The following TBC1D5 variants were observed in gnomAD, a reference collection of about 807,000 sequenced individuals.
TBC1D5 encodes TBC1 domain family, member 5.
A neutral mutation model predicts 100.3 loss-of-function variants in TBC1D5; 75 were observed. The observed-to-expected ratio is 0.75, with a 90% confidence interval of 0.62 to 0.91. The LOEUF is 0.91. TBC1D5 is among the 40% of genes least tolerant of loss of function. The pLI is 0.00. For missense variants in TBC1D5, 910 were observed against 942.4 expected, an observed-to-expected ratio of 0.97 and a Z score of 0.45; for synonymous variants, 323 against 325.6, an observed-to-expected ratio of 0.99 and a Z score of 0.09.
chr3:17,168,638 G>A (rs1251019809), intron 19 of TBC1D5, among the ~76,000 whole-genome samples: 2 of 152,118 alleles, frequency 1.3e-5, no homozygotes, highest in African/African-American at 4.8e-5. Flanking sequence ...CTAGTCTCCC[G>A]GGGAAGTACA....
intron 4 of TBC1D5, among the ~76,000 whole-genome samples, chr3:17,418,991 A>G (rs1448609616): frequency 5.3e-5 from 8 of 152,184 alleles, no homozygotes; most frequent in Non-Finnish European, 8.8e-5. Flanking sequence ...AATTCCCTAG[A>G]GCTGACTGCT....
intron 2 of TBC1D5, among the ~76,000 whole-genome samples, chr3:17,536,817 A>T (rs1351470755): frequency 6.6e-6 from 1 of 152,230 alleles, no homozygotes; most frequent in African/African-American, 2.4e-5. Flanking sequence ...TTTAGGTGGC[A>T]GCTGGTTGAG....
intron 2 of TBC1D5, among the ~76,000 whole-genome samples, chr3:17,614,684 T>G (rs2061988161): frequency 6.6e-6 from 1 of 152,220 alleles, no homozygotes; most frequent in South Asian, 2.1e-4. Context: ...TTTGGCTGTT[T>G]GTCTGTTACG....
intron 2 of TBC1D5, among the ~76,000 whole-genome samples, chr3:17,583,039 C>T (rs1035406678): frequency 2.6e-5 from 4 of 152,088 alleles, no homozygotes; most frequent in Admixed American, 6.6e-5. Context: ...AATCCCAGCA[C>T]TTTAAGAGAC....
chr3:17,401,370 T>A (rs2093645819), intron 8 of TBC1D5, among the ~76,000 whole-genome samples: 1 of 107,968 alleles, frequency 9.3e-6, no homozygotes, highest in African/African-American at 4.8e-5. Context: ...ATGTGTATAA[T>A]ATACATATGT....
intron 9 of TBC1D5, 132 bp downstream of exon 9, chr3:17,383,781 C>CAACT: frequency 1.7e-6 from 1 of 583,226 alleles, no homozygotes; most frequent in Non-Finnish European, 2.9e-6. Context: ...AGCTGACAAG[C>CAACT]AACTCTCTGA....
intron 13 of TBC1D5, among the ~76,000 whole-genome samples, chr3:17,351,982 T>A (rs2090645914): frequency 6.7e-6 from 1 of 148,844 alleles, no homozygotes; most frequent in Non-Finnish European, 1.5e-5. Context: ...TAACGTTTCA[T>A]CTAACCTAAA....
chr3:17,716,358 A>AT (rs150085050), intron 1 of TBC1D5, among the ~76,000 whole-genome samples: 7,838 of 148,564 alleles, frequency 0.053, 610 homozygotes, highest in African/African-American at 0.17. Context: ...TAAAACTGTC[A>AT]TTTTTTTTTT....
At chr3:17,249,577 C>T (rs779562454) in intron 16 of TBC1D5, among the ~76,000 whole-genome samples, 10 of 152,146 alleles carry the variant, frequency 6.6e-5, no homozygotes, top group African/African-American at 1.2e-4. Flanking sequence ...TGAGTTCACA[C>T]GAGTAAAACT....
intron 4 of TBC1D5, among the ~76,000 whole-genome samples, chr3:17,422,305 A>C (rs538932436): frequency 6.6e-6 from 1 of 151,282 alleles, no homozygotes; most frequent in African/African-American, 2.4e-5. Flanking sequence ...AGTAGCTGGG[A>C]TTACAGGTGT....
At chr3:17,713,267 A>C (rs2074925701) in intron 1 of TBC1D5, among the ~76,000 whole-genome samples, 1 of 142,446 alleles carries the variant, frequency 7.0e-6, no homozygotes, top group Non-Finnish European at 1.5e-5. Context: ...TTTGAGATGG[A>C]GTCTCGCTCT....
intron 17 of TBC1D5, among the ~76,000 whole-genome samples, chr3:17,221,779 T>G (rs2074318730): frequency 1.3e-5 from 2 of 152,186 alleles, no homozygotes; most frequent in African/African-American, 4.8e-5. Flanking sequence ...CCTGAAACCT[T>G]GACTTTAGCC....
chr3:17,511,752 C>T (rs2095910381), intron 2 of TBC1D5, among the ~76,000 whole-genome samples: 1 of 152,002 alleles, frequency 6.6e-6, no homozygotes, highest in Non-Finnish European at 1.5e-5. Flanking sequence ...CAAAATCAAC[C>T]ACATACCCCA....
intron 3 of TBC1D5, among the ~76,000 whole-genome samples, chr3:17,489,878 C>T (rs1022206720): frequency 5.3e-5 from 8 of 152,082 alleles, no homozygotes; most frequent in East Asian, 1.9e-4. Context: ...TATACAGTAA[C>T]GGGATAGCTG....
intron 1 of TBC1D5, among the ~76,000 whole-genome samples, chr3:17,671,463 C>G (rs773104264): frequency 8.5e-5 from 13 of 152,112 alleles, no homozygotes; most frequent in Non-Finnish European, 1.5e-4. Flanking sequence ...GACGGCCTCC[C>G]CCAAAGTGTC....
chr3:17,407,696 C>T (rs1305839449), intron 4 of TBC1D5, among the ~76,000 whole-genome samples: 3 of 152,096 alleles, frequency 2.0e-5, no homozygotes, highest in Non-Finnish European at 4.4e-5. Context: ...AGAAGAGTGA[C>T]CAAAGACAAT....
At chr3:17,705,190 C>CG (rs2073916504) in intron 1 of TBC1D5, among the ~76,000 whole-genome samples, 1 of 87,186 alleles carries the variant, frequency 1.1e-5, no homozygotes, top group African/African-American at 4.4e-5. Flanking sequence ...GCTGGCCAGG[C>CG]GGGGGGCTGA....
intron 2 of TBC1D5, among the ~76,000 whole-genome samples, chr3:17,516,928 G>T (rs1315170409): frequency 1.3e-5 from 2 of 151,888 alleles, no homozygotes; most frequent in Admixed American, 6.6e-5. Context: ...ACAGCTCATT[G>T]TCTCTTTAGG....
intron 4 of TBC1D5, among the ~76,000 whole-genome samples, chr3:17,426,884 T>A (rs1194921830): frequency 1.3e-5 from 2 of 150,530 alleles, no homozygotes; most frequent in South Asian, 2.1e-4. Flanking sequence ...TTGAAATACA[T>A]TTTTTTGTCT....
Sources: gnomAD v4.1 joint callset for allele counts (sites outside exome capture counted in the v4.1 genomes callset) on GRCh38, gnomAD v4.1.1 for gene constraint, MANE v1.5 for transcripts, NCBI Gene and HGNC (gene_info 2026-07-23, HGNC 2026-07-21) for gene names.